Variants in MIDEAS observed in about 807,000 individuals in gnomAD.
The protein encoded by MIDEAS is mitotic deacetylase associated SANT domain protein, also known as mitotic deacetylase-associated SANT domain protein.
MIDEAS carries 26 observed loss-of-function variants against 102.7 expected under a neutral mutation model. The observed-to-expected ratio is 0.25, with a 90% CI of 0.19 to 0.35. The LOEUF (loss-of-function observed/expected upper bound fraction) is 0.35. Among genes scored for constraint, MIDEAS ranks in the 10% least tolerant of loss-of-function variants. The probability of loss-of-function intolerance (pLI) is 1.00; values close to 1 mark genes in which losing one functional copy is unlikely to be tolerated. For synonymous variants in MIDEAS, 585 were observed against 591.0 expected (o/e 0.99, Z 0.15); for missense variants, 1,231 against 1,435.6 (o/e 0.86, Z 2.30).
At chr14:73,770,171 C>T (rs1292431796) in intron 1 of MIDEAS, among the ~76,000 whole-genome samples, 1 of 151,992 alleles carries the variant, frequency 6.6e-6, no homozygotes, top group Admixed American at 6.6e-5. Context: ...CTGATGAAAC[C>T]ATTTGGTGAA....
chr14:73,767,480 T>C (rs1192948523), intron 1 of MIDEAS, among the ~76,000 whole-genome samples: 2 of 151,104 alleles, frequency 1.3e-5, no homozygotes. Context: ...GAAAAAAAAA[T>C]AAAGAAAATT....
chr14:73,763,046 A>G (rs1299564681), upstream of MIDEAS, among the ~76,000 whole-genome samples: 1 of 152,134 alleles, frequency 6.6e-6, no homozygotes, highest in East Asian at 1.9e-4. Context: ...AAAATCTTCC[A>G]AGGATGAGGC....
chr14:73,781,628 G>C (rs1470139428), intron 1 of MIDEAS, among the ~76,000 whole-genome samples: 2 of 151,416 alleles, frequency 1.3e-5, no homozygotes, highest in African/African-American at 4.9e-5. Flanking sequence ...CAGCTACTCG[G>C]GAGGCCGAGG....
chr14:73,778,759 G>C (rs1297174686), intron 1 of MIDEAS, among the ~76,000 whole-genome samples: 1 of 152,032 alleles, frequency 6.6e-6, no homozygotes, highest in Non-Finnish European at 1.5e-5. Context: ...CACCAGGGCT[G>C]GGTCAACCCA....
chr14:73,734,095 C>T (rs1595263200), intron 3 of MIDEAS, among the ~76,000 whole-genome samples: 1 of 151,790 alleles, frequency 6.6e-6, no homozygotes, highest in South Asian at 2.1e-4. Flanking sequence ...AGCGATTCTC[C>T]TGCCTCAGCC....
At chr14:73,724,454 T>A (rs866093899) in intron 9 of MIDEAS, 1 of 152,126 alleles carries the variant, frequency 6.6e-6, no homozygotes, top group Non-Finnish European at 1.5e-5. Context: ...TCATTAGGCA[T>A]TAGGGGCGCC....
Position 73,772,322 on chromosome 14 carries a change from AAC to A in MIDEAS, c.-248+14778_-248+14779del, listed in dbSNP as rs371383040. ...TATATAAATTATTAAAGCAATTTCA[AAC>A]ACACACACATGCTCTACCCATAACC... On this transcript the variant is annotated intron_variant, in intron 1 of 11. Transcript: ENST00000394071. 7.9e-4 allele frequency among the ~76,000 whole-genome samples: 121 copies of A among 152,372 alleles called. 1 individual carries two copies. Among genetic ancestry groups the A allele is most frequent in the Middle Eastern group, 3.4e-3 (1 of 294 alleles).
chr14:73,786,802 G>A (rs2053814659), intron 1 of MIDEAS, among the ~76,000 whole-genome samples: 1 of 152,216 alleles, frequency 6.6e-6, no homozygotes, highest in Non-Finnish European at 1.5e-5. Flanking sequence ...GCTGGCTGCA[G>A]ACGTAGGCCC....
intron 1 of MIDEAS, among the ~76,000 whole-genome samples, chr14:73,780,283 C>T (rs1595302583): frequency 1.3e-5 from 2 of 152,314 alleles, no homozygotes; most frequent in East Asian, 3.9e-4. Context: ...CTCAGTTCTT[C>T]CCCCATCCCA....
chr14:73,735,162 G>T (rs1347821943), intron 3 of MIDEAS, among the ~76,000 whole-genome samples: 2 of 152,096 alleles, frequency 1.3e-5, no homozygotes, highest in African/African-American at 4.8e-5. Flanking sequence ...TAGGAAAAAA[G>T]AATAAGTTCA....
At chr14:73,728,782 C>T (rs1277364768) in intron 4 of MIDEAS, 1 of 152,332 alleles carries the variant, frequency 6.6e-6, no homozygotes, top group Non-Finnish European at 1.5e-5. Context: ...ACAGACTGAC[C>T]TCTCGCTGGC....
At chr14:73,747,622 C>T (rs971259050) in intron 1 of MIDEAS, among the ~76,000 whole-genome samples, 3 of 150,404 alleles carry the variant, frequency 2.0e-5, no homozygotes, top group African/African-American at 7.4e-5. Context: ...GGATGTCAAG[C>T]AGTGGTTCTT....
Position 73,726,657 on chromosome 14 carries a change from T to C in MIDEAS, c.2356A>G (p.Thr786Ala), listed in dbSNP as rs765402633. The change falls in exon 7 of 13, where the codon ACC (threonine) becomes GCC (alanine). Residue 786 changes from threonine (T) to alanine (A), a missense_variant. Around this residue, in one of 5 missense-constraint regions of MIDEAS, gnomAD observed 391 missense variants for 483.0 expected, o/e 0.81. Transcript: ENST00000423556. The stretch of plus-strand genomic sequence containing the variant: ...CAGTGCAGGGCCAGCTCCTGGTTGG[T>C]GCCAGCACCAGGGAAAATGCTGGAG... ...ACSSIFPGAG[T>A]NQELALHCLH... 3 of 1,614,240 alleles carry C rather than the reference T, an allele frequency of 1.9e-6. No homozygotes were observed. Among genetic ancestry groups the C allele is most frequent in the Non-Finnish European group, 2.5e-6 (3 of 1,180,038 alleles).
intron 3 of MIDEAS, among the ~76,000 whole-genome samples, chr14:73,734,508 A>G (rs956889981): frequency 5.3e-5 from 8 of 152,104 alleles, no homozygotes; most frequent in African/African-American, 1.9e-4. Context: ...CTTGGGCTCA[A>G]GCGATCCTCC....
intron 1 of MIDEAS, among the ~76,000 whole-genome samples, chr14:73,752,474 T>C (rs2053432472): frequency 1.3e-5 from 2 of 152,030 alleles, no homozygotes; most frequent in Non-Finnish European, 2.9e-5. Flanking sequence ...ACCCACCTGG[T>C]GCTTGGGGGT....
chr14:73,721,256 C>T (rs368460541), intron 11 of MIDEAS, 41 bp downstream of exon 11: 20 of 1,594,182 alleles, frequency 1.3e-5, no homozygotes, highest in Non-Finnish European at 1.7e-5. Context: ...CCCAGCTCCA[C>T]CCTGCTTGCC....
At chr14:73,753,376 AG>A (rs2053445189) in intron 1 of MIDEAS, among the ~76,000 whole-genome samples, 3 of 152,202 alleles carry the variant, frequency 2.0e-5, no homozygotes, top group Admixed American at 2.0e-4. Context: ...AAATAGCCGG[AG>A]GAAGTGTGGG....
intron 1 of MIDEAS, among the ~76,000 whole-genome samples, chr14:73,744,733 G>A (rs561372838): frequency 2.0e-5 from 3 of 152,226 alleles, no homozygotes; most frequent in East Asian, 1.9e-4. Flanking sequence ...GGCCTCCAAC[G>A]TGTTCTTCTC....
intron 1 of MIDEAS, among the ~76,000 whole-genome samples, chr14:73,773,317 G>A (rs2053658804): frequency 6.6e-6 from 1 of 151,898 alleles, no homozygotes; most frequent in Admixed American, 6.6e-5. Context: ...ACTGGTGGAT[G>A]TTGGAGGTAA....
Sources: gnomAD v4.1 joint callset for allele counts (sites outside exome capture counted in the v4.1 genomes callset) on GRCh38, gnomAD v4.1.1 for gene constraint, gnomAD v4.1.1 regional missense constraint, MANE v1.5 for transcripts, NCBI Gene and HGNC (gene_info 2026-07-23, HGNC 2026-07-21) for gene names.